Variants in GPAT4 observed in about 807,000 individuals in gnomAD.
GPAT4 encodes the protein glycerol-3-phosphate acyltransferase 4.
GPAT4 carries 17 observed loss-of-function variants against 58.0 expected under a neutral mutation model. The ratio of observed to expected loss-of-function variants is 0.29; its 90% CI spans 0.20 to 0.44. The LOEUF (loss-of-function observed/expected upper bound fraction) is 0.44, where lower values mean the gene tolerates loss of function less well. GPAT4 is among the 20% of genes least tolerant of loss of function. The pLI is 1.00. For synonymous variants in GPAT4, 204 were observed against 210.1 expected, an observed-to-expected ratio of 0.97 and a Z score of 0.25; for missense variants, 377 against 574.5, an observed-to-expected ratio of 0.66 and a Z score of 3.51.
chr8:41,608,249 C>T (rs373432179), intron 2 of GPAT4, among the ~76,000 whole-genome samples: 2 of 152,356 alleles, frequency 1.3e-5, no homozygotes, highest in Admixed American at 6.5e-5. Context: ...TGCTGGACCA[C>T]GTGGTGCAGT....
rs778977102 is a variant in GPAT4 at position 41,599,303 on chromosome 8, C to T, written c.164C>T (p.Ala55Val). 5.6e-6 allele frequency: 9 copies of T among 1,613,520 alleles called. No individual in the cohort carries two copies. Among genetic ancestry groups the T allele is most frequent in the Admixed American group, 3.3e-5 (2 of 59,888 alleles). Residue 55 changes from alanine to valine, a missense_variant and splice_region_variant, in exon 2 of 13, where the codon GCG becomes GTG. By Grantham distance (64) the Ala-to-Val change is moderately conservative (BLOSUM62 0). Transcript: ENST00000396987. ...LYMKSLLKIF[A>V]WATLRMERGA... ...ATGAAAAGTCTGTTAAAAATCTTTG[C>T]GGTAAGTTATGCTGTTACAAAAGGT... is the stretch of plus-strand genomic sequence containing the variant.
At position 41,598,988 on chromosome 8, in the gene GPAT4, C is replaced by A; in HGVS notation, c.-152C>A. On this transcript the variant is annotated 5_prime_UTR_variant, in exon 2 of 13. The change creates a premature stop within an existing upstream ORF in the 5' untranslated region. Coordinates refer to ENST00000396987, the MANE Select transcript of GPAT4 (RefSeq NM_178819.4). The stretch of plus-strand genomic sequence containing the variant: ...TCATTCTGTTCCCAGGCCTTCTATT[C>A]AGGCGGTTGAAGGGTGTGGACTTTG... The A allele has an allele frequency of 2.0e-6, 2 of 985,824 alleles. No homozygotes were observed. The highest frequency in any genetic ancestry group is 2.6e-5 in the Admixed American group (1 of 38,626). 61.1% of individuals were successfully genotyped at this position (985,824 alleles called of 1,614,324 possible). A position where few individuals can be genotyped will look rare whatever the true frequency, so the allele number is the denominator to read the frequency against.
At chr8:41,590,996 G>C (rs959220837) in intron 1 of GPAT4, among the ~76,000 whole-genome samples, 6 of 152,246 alleles carry the variant, frequency 3.9e-5, no homozygotes, top group African/African-American at 1.4e-4. Flanking sequence ...AGAAGGAAAG[G>C]GTTTTATTCA....
At chr8:41,582,189 A>G (rs1020494186) in intron 1 of GPAT4, among the ~76,000 whole-genome samples, 9 of 151,032 alleles carry the variant, frequency 6.0e-5, no homozygotes, top group African/African-American at 2.0e-4. Flanking sequence ...TTTTTAGTAG[A>G]GATGGGATTT....
intron 7 of GPAT4, 79 bp from the exon 8 acceptor site, chr8:41,612,766 T>C: frequency 7.9e-7 from 1 of 1,262,012 alleles, no homozygotes; most frequent in Non-Finnish European, 1.1e-6. Flanking sequence ...GCTTATTTTG[T>C]GAGATGTGGT....
chr8:41,601,865 T>C (rs1803109073), intron 2 of GPAT4, among the ~76,000 whole-genome samples: 1 of 152,256 alleles, frequency 6.6e-6, no homozygotes, highest in Admixed American at 6.5e-5. Context: ...ATATGTGTAC[T>C]TTGGGCCAAT....
In GPAT4 at chr8:41,622,753, C is replaced by T. The variant is rs1803791672; in HGVS notation, c.*1752C>T. The T allele has an allele frequency of 6.6e-6, 1 of 152,268 alleles. No homozygotes were observed. The highest frequency in any genetic ancestry group is 1.5e-5 in the Non-Finnish European group (1 of 68,078). The allele number at this position is 152,268 out of a possible 1,614,324, so 9.4% of individuals were successfully genotyped here. ...CTGGGAGAGCCTCCCATTTCCTCAC[C>T]TGCCCTGTTGCCAGCCCGGGGGAAA... is the stretch of plus-strand genomic sequence containing the variant. On this transcript the variant is annotated 3_prime_UTR_variant, in exon 13 of 13. Transcript: ENST00000396987.
Position 41,612,909 on chromosome 8 carries a change from A to T in GPAT4, c.860A>T (p.His287Leu). Residue 287 changes from histidine (H) to leucine (L), a missense_variant, in exon 8 of 13, where the codon CAC becomes CTC. Physicochemically the swap from His to Leu is moderately conservative, Grantham distance 99 (BLOSUM62 -3). Coordinates refer to ENST00000396987, the MANE Select transcript of GPAT4 (RefSeq NM_178819.4). ...IQRAMVKACP[H>L]VWFERSEVKD... ...AGAGCCATGGTGAAGGCCTGCCCAC[A>T]CGTCTGGTTTGAGCGCTCGGAAGTG... 1 of 1,614,160 alleles carries T rather than the reference A, an allele frequency of 6.2e-7. No homozygotes were observed. Among genetic ancestry groups the T allele is most frequent in the Non-Finnish European group, 8.5e-7 (1 of 1,180,032 alleles).
chr8:41,611,794 A>G lies in GPAT4; in HGVS notation c.612-109A>G, dbSNP rs558730139. 28 of 948,382 alleles carry G rather than the reference A, an allele frequency of 3.0e-5. No individual in the cohort carries two copies. The East Asian group carries it at 4.7e-4, about 16-fold the overall frequency. The allele number at this position is 948,382 out of a possible 1,614,324, so 58.7% of individuals were successfully genotyped here. A position where few individuals can be genotyped will look rare whatever the true frequency, so the allele number is the denominator to read the frequency against. The stretch of plus-strand genomic sequence containing the variant: ...GACTTTCCTGTAGGTGCTGATGTCT[A>G]TACAAGCACTTTGCTGTTATAAAGG... On this transcript the variant is annotated intron_variant, in intron 5 of 12. Coordinates refer to ENST00000396987, the MANE Select transcript of GPAT4 (RefSeq NM_178819.4).
In GPAT4 at chr8:41,621,195, C is replaced by A. The variant is rs1481267769; in HGVS notation, c.*194C>A. On this transcript the variant is annotated 3_prime_UTR_variant, in exon 13 of 13. Transcript: ENST00000396987. Reference sequence around the variant, plus strand: ...CCCGGCGCAGCCTACCCTTGGTGGTCTAAACGGATGCTGCTGGGTGTTGCG... The same window carrying A: ...CCCGGCGCAGCCTACCCTTGGTGGTATAAACGGATGCTGCTGGGTGTTGCG... 2 of 740,200 alleles carry A rather than the reference C, an allele frequency of 2.7e-6. No individual in the cohort carries two copies. The highest frequency in any genetic ancestry group is 4.3e-6 in the Non-Finnish European group (2 of 466,102). 45.9% of individuals were successfully genotyped at this position (740,200 alleles called of 1,614,324 possible).
At chr8:41,596,542 C>T (rs948238367) in intron 1 of GPAT4, among the ~76,000 whole-genome samples, 6 of 152,240 alleles carry the variant, frequency 3.9e-5, no homozygotes, top group African/African-American at 4.8e-5. Context: ...AGTTCCTTCC[C>T]GGTGTTCAGC....
rs1483658649 is a variant in GPAT4 at position 41,598,903 on chromosome 8, GTCCATCCATTCT to G, written c.-236_-225del. ...CCATCTAGCTTCAATCATCTTTAGA[GTCCATCCATTCT>G]GGAGAGACCTGGCGTTTGCAGTTGC... On this transcript the variant is annotated 5_prime_UTR_variant, in exon 2 of 13. Coordinates refer to ENST00000396987, the MANE Select transcript of GPAT4 (RefSeq NM_178819.4). 5.8e-6 allele frequency: 3 copies of G among 513,508 alleles called. No homozygotes were observed. Among genetic ancestry groups the G allele is most frequent in the Non-Finnish European group, 1.0e-5 (3 of 295,806 alleles). The allele number at this position is 513,508 out of a possible 1,614,324, so 31.8% of individuals were successfully genotyped here. A position where few individuals can be genotyped will look rare whatever the true frequency, so the allele number is the denominator to read the frequency against.
At chr8:41,618,016 A>G (rs1036265211) in intron 10 of GPAT4, among the ~76,000 whole-genome samples, 12 of 152,192 alleles carry the variant, frequency 7.9e-5, no homozygotes, top group African/African-American at 2.4e-4. Flanking sequence ...CAAAATGCCA[A>G]TGAAATAATG....
chr8:41,598,923 C>A lies in GPAT4; in HGVS notation c.-217C>A, dbSNP rs1245085300. 6.8e-6 allele frequency: 4 copies of A among 586,278 alleles called. No individual in the cohort carries two copies. The highest frequency in any genetic ancestry group is 1.2e-5 in the Non-Finnish European group (4 of 339,284). 36.3% of individuals were successfully genotyped at this position (586,278 alleles called of 1,614,324 possible). On this transcript the variant is annotated 5_prime_UTR_variant, in exon 2 of 13. Coordinates refer to ENST00000396987, the MANE Select transcript of GPAT4 (RefSeq NM_178819.4). ...TTAGAGTCCATCCATTCTGGAGAGA[C>A]CTGGCGTTTGCAGTTGCCTCCTGTG...
rs1018333010 is a variant in GPAT4, at chr8:41,587,837, C to T, written c.-849+9559C>T. ...ATACATTTAAAATTTTGATGACAGTCGCTAAATTGTTCTTTGTAGAGGTTG... is the reference window on the plus strand; with the variant it reads ...ATACATTTAAAATTTTGATGACAGTTGCTAAATTGTTCTTTGTAGAGGTTG... On this transcript the variant is annotated intron_variant, in intron 1 of 12. Coordinates refer to ENST00000396987, the MANE Select transcript of GPAT4 (RefSeq NM_178819.4). 7.2e-5 allele frequency among the ~76,000 whole-genome samples: 11 copies of T among 152,312 alleles called. No homozygotes were observed. The Middle Eastern group carries it at 0.01, about 141-fold the overall frequency.
intron 4 of GPAT4, chr8:41,610,423 G>C: frequency 7.9e-7 from 1 of 1,258,214 alleles, no homozygotes; most frequent in South Asian, 1.6e-5. Context: ...CCAGCCAAAG[G>C]GAAGGGGAGG....
Position 41,623,838 on chromosome 8 carries a change from C to CT in GPAT4, c.*2852dup, listed in dbSNP as rs560229283. The CT allele has an allele frequency of 5.0e-3, 725 of 144,618 alleles. 5 individuals carry two copies. The highest frequency in any genetic ancestry group is 0.015 in the African/African-American group (596 of 39,642). 9.0% of individuals were successfully genotyped at this position (144,618 alleles called of 1,614,324 possible). ...GACTTTCCACCCACCAGTTAGGGAACTTTTTTTTTTTTTTTAAACACGGAG... is the reference window on the plus strand; with the variant it reads ...GACTTTCCACCCACCAGTTAGGGAACTTTTTTTTTTTTTTTTAAACACGGAG... On this transcript the variant is annotated 3_prime_UTR_variant, in exon 13 of 13. Transcript: ENST00000396987.
chr8:41,609,285 A>G, intron 2 of GPAT4, 131 bp from the exon 3 acceptor site: 1 of 955,486 alleles, frequency 1.0e-6, no homozygotes, highest in Admixed American at 2.1e-5. Context: ...GTTTCCTTCT[A>G]GACTATGTGC....
In GPAT4 at chr8:41,601,689, A is replaced by G. The variant is rs185569558; in HGVS notation, c.165+2385A>G. The stretch of plus-strand genomic sequence containing the variant: ...AAATTTCACTTGGATGACTTTGGGT[A>G]GGGCAGAAGGCCTAGAATCCATGTA... On this transcript the variant is annotated intron_variant, in intron 2 of 12. Transcript: ENST00000396987. Among the ~76,000 whole-genome samples the G allele has an allele frequency of 8.3e-4, 126 of 152,376 alleles. No individual in the cohort carries two copies. In the Middle Eastern group the frequency reaches 0.024, roughly 29 times the overall value.
Sources: gnomAD v4.1 joint callset for allele counts (sites outside exome capture counted in the v4.1 genomes callset) on GRCh38, gnomAD v4.1.1 for gene constraint, MANE v1.5 for transcripts, NCBI Gene and HGNC (gene_info 2026-07-23, HGNC 2026-07-21) for gene names.